SRSF5: variants seen among roughly 807,000 people sequenced by gnomAD.
SRSF5 encodes the protein serine and arginine rich splicing factor 5.
A neutral mutation model predicts 34.0 loss-of-function variants in SRSF5; 5 were observed. The ratio of observed to expected loss-of-function variants is 0.15; its 90% CI spans 0.08 to 0.31. The LOEUF (loss-of-function observed/expected upper bound fraction) is 0.31, where lower values mean the gene tolerates loss of function less well. Ranked by LOEUF, SRSF5 falls within the 10% of genes least tolerant of loss-of-function variation. SRSF5 has a pLI of 1.00. For synonymous variants in SRSF5, 164 were observed against 117.7 expected (o/e 1.39, Z -2.55); for missense variants, 223 against 351.4 (o/e 0.63, Z 2.92).
intron 1 of SRSF5, chr14:69,767,510 C>T (rs1243140185): frequency 1.8e-5 from 8 of 455,854 alleles, no homozygotes; most frequent in African/African-American, 6.0e-5. Flanking sequence ...ATGTCTTCAT[C>T]TCCTGGACAC....
intron 5 of SRSF5, chr14:69,770,204 T>G: frequency 8.6e-7 from 1 of 1,156,508 alleles, no homozygotes; most frequent in Non-Finnish European, 1.1e-6. Flanking sequence ...TCTTTTGTAC[T>G]GAGCTCAGCA....
chr14:69,769,449 G>A (rs1171006559), intron 5 of SRSF5, 198 bp downstream of exon 5: 4 of 1,531,636 alleles, frequency 2.6e-6, no homozygotes, highest in Admixed American at 3.9e-5. Context: ...AATGTTTTGA[G>A]GATATTTTTC....
At chr14:69,769,451 A>G in intron 5 of SRSF5, 200 bp downstream of exon 5, 8 of 1,532,234 alleles carry the variant, frequency 5.2e-6, no homozygotes, top group Non-Finnish European at 7.0e-6. Flanking sequence ...TGTTTTGAGG[A>G]TATTTTTCTT....
In SRSF5 at chr14:69,769,258, T is replaced by C. The variant is rs765389316; in HGVS notation, c.366+7T>C. 6.2e-7 allele frequency: 1 copy of C among 1,614,092 alleles called. No homozygotes were observed. ...CTCAAGAGTCAGCTGGCAGGTTTGTTGAAATACAGTTTTGAGTTATTTTGA... is the reference window on the plus strand; with the variant it reads ...CTCAAGAGTCAGCTGGCAGGTTTGTCGAAATACAGTTTTGAGTTATTTTGA... On this transcript the variant is annotated splice_region_variant and intron_variant, in intron 5 of 7. Coordinates refer to ENST00000557154, the MANE Select transcript of SRSF5 (RefSeq NM_001320214.2).
intron 6 of SRSF5, 156 bp from the exon 7 acceptor site, chr14:69,770,839 C>T: frequency 1.3e-6 from 1 of 741,046 alleles, no homozygotes; most frequent in Non-Finnish European, 2.2e-6. Context: ...ATAACAGTGC[C>T]AAAACTTTGC....
intron 1 of SRSF5, chr14:69,767,652 T>TCTG: frequency 2.5e-6 from 1 of 393,078 alleles, no homozygotes; most frequent in Non-Finnish European, 5.1e-6. Flanking sequence ...CACGCGCAGC[T>TCTG]CTGCTGCCTT....
intron 5 of SRSF5, chr14:69,769,776 C>T: frequency 1.5e-6 from 2 of 1,357,580 alleles, no homozygotes; most frequent in Non-Finnish European, 1.9e-6. Flanking sequence ...AATAAGAGGT[C>T]CGGTCGAAAA....
intron 1 of SRSF5, chr14:69,767,741 G>T (rs61343418): frequency 0.025 from 8,850 of 356,996 alleles, 724 homozygotes; most frequent in African/African-American, 0.17. Flanking sequence ...GGCGTCGCGA[G>T]ATTCTGGCTT....
chr14:69,771,681 C>A lies in SRSF5; in HGVS notation c.*220C>A. 2 of 558,332 alleles carry A rather than the reference C, an allele frequency of 3.6e-6. 1 individual carries two copies. Among genetic ancestry groups the A allele is most frequent in the South Asian group, 5.0e-5 (2 of 40,390 alleles). 34.6% of individuals were successfully genotyped at this position (558,332 alleles called of 1,614,324 possible). The stretch of plus-strand genomic sequence containing the variant: ...TGTCTTTTGATAAGCCTTCTGCTCA[C>A]ATTTTTGTGAATGTCTGAAGTATAT... On this transcript the variant is annotated 3_prime_UTR_variant, in exon 8 of 8. Coordinates refer to ENST00000557154, the MANE Select transcript of SRSF5 (RefSeq NM_001320214.2).
At chr14:69,768,930 T>C (rs761810157) in intron 4 of SRSF5, 34 bp downstream of exon 4, 59 of 1,589,636 alleles carry the variant, frequency 3.7e-5, no homozygotes, top group Non-Finnish European at 5.0e-5. Flanking sequence ...ATTGAACAAT[T>C]ATTGTAGGGG....
intron 6 of SRSF5, 38 bp from the exon 7 acceptor site, chr14:69,770,957 G>A: frequency 6.4e-7 from 1 of 1,552,980 alleles, no homozygotes; most frequent in Non-Finnish European, 8.8e-7. Context: ...GAGACTACAG[G>A]ATGTATATAC....
rs2139702212 is a variant in SRSF5 at position 69,771,973 on chromosome 14, GT to G, written c.*515del. On this transcript the variant is annotated 3_prime_UTR_variant, in exon 8 of 8. Coordinates refer to ENST00000557154, the MANE Select transcript of SRSF5 (RefSeq NM_001320214.2). Reference sequence around the variant, plus strand: ...GCTGGACAGACACATTAGAGCAGCTGTTTGTTATTGATAATAAAATATTATA... The same window carrying G: ...GCTGGACAGACACATTAGAGCAGCTGTTGTTATTGATAATAAAATATTATA... The G allele has an allele frequency of 6.5e-6, 1 of 154,158 alleles. No homozygotes were observed. The highest frequency in any genetic ancestry group is 1.9e-4 in the East Asian group (1 of 5,198). 9.5% of individuals were successfully genotyped at this position (154,158 alleles called of 1,614,324 possible). A position where few individuals can be genotyped will look rare whatever the true frequency, so the allele number is the denominator to read the frequency against.
intron 1 of SRSF5, chr14:69,767,879 G>A: frequency 4.6e-6 from 2 of 434,650 alleles, no homozygotes; most frequent in Non-Finnish European, 8.6e-6. Flanking sequence ...AGCCCGGAGA[G>A]TGTGCGGCTG....
rs759265261 is a variant in SRSF5 at position 69,771,231 on chromosome 14, T to C, written c.589T>C (p.Ser197Pro). ...RSRSRSRTRS[S>P]SRSRSRSRSR... ...CAGGTCTCGATCCCGGACCAGAAGT[T>C]CCTCTAGGTCTCGTAGCCGATCCCG... The change falls in exon 8 of 8, where the codon TCC becomes CCC. Residue 197 changes from serine (S) to proline (P), a missense_variant. This residue lies in a region of SRSF5 where 115 missense variants were observed against 119.7 expected (regional missense o/e 0.96). Transcript: ENST00000557154. 2 of 1,614,172 alleles carry C rather than the reference T, an allele frequency of 1.2e-6. No homozygotes were observed. The highest frequency in any genetic ancestry group is 1.7e-6 in the Non-Finnish European group (2 of 1,180,040).
chr14:69,770,758 A>G, intron 6 of SRSF5: 1 of 637,296 alleles, frequency 1.6e-6, no homozygotes, highest in Non-Finnish European at 2.7e-6. Context: ...TGTAGTCAGT[A>G]GGGGCTAGGC....
chr14:69,767,716 C>A (rs1289807426), intron 1 of SRSF5: 1 of 358,360 alleles, frequency 2.8e-6, no homozygotes, highest in South Asian at 2.0e-5. Context: ...CTGCTGTTGG[C>A]GCAGGCGCGG....
chr14:69,771,474 T>A lies in SRSF5; in HGVS notation c.*13T>A, dbSNP rs982297938. ...CAGTGGCAATTAAACTGTAAATAACTTGCCCTGGGGGCCTTTTTTTAAAAA... is the reference window on the plus strand; with the variant it reads ...CAGTGGCAATTAAACTGTAAATAACATGCCCTGGGGGCCTTTTTTTAAAAA... On this transcript the variant is annotated 3_prime_UTR_variant, in exon 8 of 8. Transcript: ENST00000557154. 1.9e-6 allele frequency: 3 copies of A among 1,606,092 alleles called. No individual in the cohort carries two copies. Among genetic ancestry groups the A allele is most frequent in the Non-Finnish European group, 2.6e-6 (3 of 1,175,692 alleles).
At chr14:69,768,312 G>A in intron 2 of SRSF5, 30 bp downstream of exon 2, 1 of 1,612,870 alleles carries the variant, frequency 6.2e-7, no homozygotes. Flanking sequence ...TGAATTATCT[G>A]CTAAGTAGGT....
Position 69,768,862 on chromosome 14 carries a change from C to G in SRSF5, c.262C>G (p.Arg88Gly). 1.2e-6 allele frequency: 2 copies of G among 1,614,118 alleles called. No individual in the cohort carries two copies. The highest frequency in any genetic ancestry group is 1.7e-6 in the Non-Finnish European group (2 of 1,180,024). The change falls in exon 4 of 8, where the codon CGT becomes GGT. Residue 88 changes from arginine to glycine, a missense_variant. Coordinates refer to ENST00000557154, the MANE Select transcript of SRSF5 (RefSeq NM_001320214.2). The part of the protein sequence containing the change: ...GGRGRGRYSD[R>G]FSSRRPRNDR... ...AAGAGGTAGAGGACGATACTCTGAC[C>G]GTTTTAGTAGTCGCAGACCTCGAAA... is the stretch of plus-strand genomic sequence containing the variant.
Sources: gnomAD v4.1 joint callset for allele counts on GRCh38, gnomAD v4.1.1 for gene constraint, gnomAD v4.1.1 regional missense constraint, MANE v1.5 for transcripts, NCBI Gene and HGNC (gene_info 2026-07-23, HGNC 2026-07-21) for gene names.